The following FHL2 variants were observed in gnomAD, a reference collection of about 807,000 sequenced individuals.
FHL2 encodes the protein four and a half LIM domains protein 2.
A neutral mutation model predicts 32.7 loss-of-function variants in FHL2; 20 were observed. The observed-to-expected ratio is 0.61, with a 90% confidence interval of 0.43 to 0.89. The LOEUF (loss-of-function observed/expected upper bound fraction) is 0.89, where lower values mean the gene tolerates loss of function less well. Among genes scored for constraint, FHL2 ranks in the 40% least tolerant of loss-of-function variants. FHL2 has a pLI of 0.00. For synonymous variants in FHL2, 123 were observed against 128.1 expected (o/e 0.96, Z 0.27); for missense variants, 311 against 358.6 (o/e 0.87, Z 1.07).
intron 1 of FHL2, among the ~76,000 whole-genome samples, chr2:105,422,646 C>CAAA (rs10715306): frequency 1.7e-4 from 19 of 113,952 alleles, no homozygotes; most frequent in African/African-American, 5.9e-4. Flanking sequence ...TCATCTCTGG[C>CAAA]AAAAAAAAAA....
intron 1 of FHL2, among the ~76,000 whole-genome samples, chr2:105,434,105 C>T (rs907590369): frequency 5.3e-5 from 8 of 152,230 alleles, no homozygotes; most frequent in South Asian, 4.1e-4. Context: ...TGAGGCACCA[C>T]GTCCCTTTCT....
intron 5 of FHL2, among the ~76,000 whole-genome samples, chr2:105,364,734 G>A (rs1251184663): frequency 2.0e-5 from 3 of 152,148 alleles, no homozygotes. Flanking sequence ...GTATCATGCA[G>A]TAACTCCTTT....
chr2:105,396,834 T>C (rs1419695670), intron 1 of FHL2, 137 bp from the exon 2 acceptor site: 6 of 706,918 alleles, frequency 8.5e-6, no homozygotes, highest in African/African-American at 7.1e-5. Flanking sequence ...AAGAACCCAA[T>C]GTCTAATGTT....
chr2:105,412,879 A>T (rs1157029837), intron 1 of FHL2, among the ~76,000 whole-genome samples: 1 of 152,048 alleles, frequency 6.6e-6, no homozygotes, highest in African/African-American at 2.4e-5. Flanking sequence ...CATGATGGGG[A>T]CAGAAGCACA....
At chr2:105,419,063 A>G (rs1421038078) in intron 1 of FHL2, among the ~76,000 whole-genome samples, 1 of 152,176 alleles carries the variant, frequency 6.6e-6, no homozygotes, top group Admixed American at 6.5e-5. Context: ...TCTTTAGTAT[A>G]TGTCTGTCCA....
chr2:105,422,748 T>G (rs1262144196), intron 1 of FHL2, among the ~76,000 whole-genome samples: 2 of 152,148 alleles, frequency 1.3e-5, no homozygotes, highest in Non-Finnish European at 2.9e-5. Flanking sequence ...TTGATTTTTT[T>G]GTCCTGTTTA....
intron 1 of FHL2, among the ~76,000 whole-genome samples, chr2:105,437,503 A>G (rs1684650166): frequency 6.6e-6 from 1 of 152,232 alleles, no homozygotes; most frequent in African/African-American, 2.4e-5. Flanking sequence ...TAAAACAACT[A>G]TAGTAAACTT....
At chr2:105,404,513 T>C (rs974207299) in intron 1 of FHL2, among the ~76,000 whole-genome samples, 3 of 152,128 alleles carry the variant, frequency 2.0e-5, no homozygotes, top group Admixed American at 6.5e-5. Flanking sequence ...TTTGCCCGGA[T>C]CCAGCAGGGA....
At chr2:105,401,852 T>A (rs188322412), upstream of FHL2, among the ~76,000 whole-genome samples, 46 of 152,164 alleles carry the variant, frequency 3.0e-4, no homozygotes, top group African/African-American at 1.0e-3. Context: ...AGACAATGTA[T>A]ATTTATAAGC....
In FHL2 at chr2:105,361,445, A is replaced by G. The variant is rs1229847827; in HGVS notation, c.689-11T>C. 1 of 1,609,658 alleles carries G rather than the reference A, an allele frequency of 6.2e-7. No individual in the cohort carries two copies. The highest frequency in any genetic ancestry group is 8.5e-7 in the Non-Finnish European group (1 of 1,177,600). ...TTGTGCCACCAAGTCCTGTTAACAG[A>G]GAGAAAATAATACCGGATGAAGAAA... On this transcript the variant is annotated splice_polypyrimidine_tract_variant and intron_variant, in intron 6 of 6. Transcript: ENST00000530340.
At chr2:105,399,252 C>G (rs1257111689), upstream of FHL2, 5 of 1,535,426 alleles carry the variant, frequency 3.3e-6, no homozygotes, top group East Asian at 9.8e-5. Flanking sequence ...TTTCTTCGTG[C>G]CCTCCGGGTC....
At chr2:105,378,303 C>T in intron 3 of FHL2, 2 of 414,290 alleles carry the variant, frequency 4.8e-6, no homozygotes, top group Non-Finnish European at 1.0e-5. Flanking sequence ...TGTTACTGGA[C>T]TAAGCATCCA....
chr2:105,385,345 A>C (rs1682224041), intron 3 of FHL2, among the ~76,000 whole-genome samples: 1 of 152,228 alleles, frequency 6.6e-6, no homozygotes, highest in Non-Finnish European at 1.5e-5. Context: ...AATAGAAGGA[A>C]CACATGTTGG....
At chr2:105,387,735 C>G (rs1682422473) in intron 2 of FHL2, among the ~76,000 whole-genome samples, 1 of 152,144 alleles carries the variant, frequency 6.6e-6, no homozygotes, top group African/African-American at 2.4e-5. Flanking sequence ...TACCATTTGA[C>G]CCAGCAATCC....
At chr2:105,435,867 A>T (rs4851773) in intron 1 of FHL2, among the ~76,000 whole-genome samples, 3,090 of 152,308 alleles carry the variant, frequency 0.02, 47 homozygotes, top group Non-Finnish European at 0.031. Context: ...AAAAAAGACC[A>T]GAATGAAATT....
At chr2:105,398,508 G>A (rs58834777) in intron 1 of FHL2, among the ~76,000 whole-genome samples, 32,838 of 152,080 alleles carry the variant, frequency 0.22, 3,729 homozygotes, top group African/African-American at 0.26. Flanking sequence ...CCTCCCCGCA[G>A]CCGCCGGCTG....
chr2:105,373,701 T>C lies in FHL2; in HGVS notation c.189A>G (p.Glu63=). Residue 63 remains glutamate, a synonymous_variant, in exon 4 of 7, where the codon GAA becomes GAG. Coordinates refer to ENST00000530340, the MANE Select transcript of FHL2 (RefSeq NM_001318895.3). ...DLSYKDRHWH[E]ACFHCSQCRN... is the part of the protein sequence containing the mutation. ...TGCACTGCGAGCAGTGGAAACAGGC[T>C]TCATGCCAGTGCCGGTCCTTGTAAG... The C allele has an allele frequency of 6.2e-7, 1 of 1,614,150 alleles. No individual in the cohort carries two copies. Among genetic ancestry groups the C allele is most frequent in the East Asian group, 2.2e-5 (1 of 44,878 alleles).
Position 105,417,700 on chromosome 2 carries a change from A to G in FHL2, c.-25+20699T>C, listed in dbSNP as rs982074498. On this transcript the variant is annotated intron_variant, in intron 1 of 5. Coordinates refer to the FHL2 transcript ENST00000393352. Reference sequence around the variant, plus strand: ...CTCCATCTCCAAAAAAAAAAAAAAAAAAAAGAAAGAAAGAATGAAAAAAAG... The same window carrying G: ...CTCCATCTCCAAAAAAAAAAAAAAAGAAAAGAAAGAAAGAATGAAAAAAAG... 3.8e-4 allele frequency among the ~76,000 whole-genome samples: 57 copies of G among 151,892 alleles called. 1 individual carries two copies. The East Asian group carries it at 9.7e-3, about 26-fold the overall frequency.
At chr2:105,389,544 T>C (rs1475934097) in intron 2 of FHL2, among the ~76,000 whole-genome samples, 1 of 152,230 alleles carries the variant, frequency 6.6e-6, no homozygotes, top group Non-Finnish European at 1.5e-5. Flanking sequence ...GAACTATAAA[T>C]TGCGGAATTG....
Sources: gnomAD v4.1 joint callset for allele counts (sites outside exome capture counted in the v4.1 genomes callset) on GRCh38, gnomAD v4.1.1 for gene constraint, MANE v1.5 for transcripts, NCBI Gene and HGNC (gene_info 2026-07-23, HGNC 2026-07-21) for gene names.